EWSR1: variants seen among roughly 807,000 people sequenced by gnomAD.
EWSR1 encodes EWS RNA binding protein 1.
A neutral mutation model predicts 92.1 loss-of-function variants in EWSR1; 14 were observed. The ratio of observed to expected loss-of-function variants is 0.15; its 90% CI spans 0.10 to 0.24. EWSR1 has a LOEUF of 0.24. Among genes scored for constraint, EWSR1 ranks in the 10% least tolerant of loss-of-function variants. EWSR1 has a pLI of 1.00. For missense variants in EWSR1, 637 were observed against 870.9 expected (o/e 0.73, Z 3.38); for synonymous variants, 303 against 292.9 (o/e 1.03, Z -0.35).
rs1165296671 is a variant in EWSR1, at chr22:29,299,864, GA to G, written c.1931+17del. The G allele has an allele frequency of 6.5e-7, 1 of 1,535,674 alleles. No homozygotes were observed. Among genetic ancestry groups the G allele is most frequent in the Non-Finnish European group, 8.8e-7 (1 of 1,139,838 alleles). ...GAAAAATGGATAAGTAAGTGCTGGT[GA>G]AAAGCAGCTGTGGGCCGCCAGGCAC... On this transcript the variant is annotated intron_variant, in intron 16 of 16. Transcript: ENST00000397938.
chr22:29,279,817 C>T (rs1460590125), intron 5 of EWSR1, among the ~76,000 whole-genome samples: 1 of 152,206 alleles, frequency 6.6e-6, no homozygotes, highest in Non-Finnish European at 1.5e-5. Context: ...TGAAAGGCCT[C>T]ATTTCCGAGT....
In EWSR1 at chr22:29,297,943, C is replaced by T. The variant is rs138287627; in HGVS notation, c.1411C>T (p.Arg471Cys). ...GGGCAGAGGCATGCCACCACCACTC[C>T]GTGGAGGTACTTTTTCTGAGCTCCT... is the stretch of plus-strand genomic sequence containing the variant. ...REGRGMPPPL[R>C]GGPGGPGGPG... Residue 471 changes from arginine to cysteine, a missense_variant, in exon 13 of 17, where the codon CGT becomes TGT. Around this residue, in one of 5 missense-constraint regions of EWSR1, gnomAD observed 363 missense variants for 447.8 expected, o/e 0.81. Transcript: ENST00000397938. The T allele has an allele frequency of 1.2e-4, 194 of 1,611,762 alleles. No individual in the cohort carries two copies. The highest frequency in any genetic ancestry group is 1.5e-4 in the Non-Finnish European group (171 of 1,179,176).
intron 8 of EWSR1, chr22:29,291,149 T>C (rs924931971): frequency 1.2e-4 from 30 of 245,310 alleles, no homozygotes; most frequent in Non-Finnish European, 2.1e-4. Context: ...CATTTGGCTC[T>C]CCCTTGGGAG....
Position 29,300,305 on chromosome 22 carries a change from TGTGAAGAAAC to T in EWSR1, c.*145_*154del. ...CTGTACTTTAGTATTTTTCACCATT[TGTGAAGAAAC>T]ATTAAAACAAGTTAAATGGTAGTGT... On this transcript the variant is annotated 3_prime_UTR_variant, in exon 17 of 17. Coordinates refer to ENST00000397938, the MANE Select transcript of EWSR1 (RefSeq NM_005243.4). 1 of 808,418 alleles carries T rather than the reference TGTGAAGAAAC, an allele frequency of 1.2e-6. No homozygotes were observed. The highest frequency in any genetic ancestry group is 1.9e-6 in the Non-Finnish European group (1 of 523,304). The allele number at this position is 808,418 out of a possible 1,614,324, so 50.1% of individuals were successfully genotyped here.
intron 4 of EWSR1, chr22:29,276,872 T>C (rs1364757433): frequency 8.7e-6 from 2 of 230,542 alleles, no homozygotes; most frequent in Admixed American, 1.1e-4. Flanking sequence ...GGGTGGTCTC[T>C]AACTCCTAAA....
intron 1 of EWSR1, among the ~76,000 whole-genome samples, chr22:29,268,559 G>T (rs2058330436): frequency 6.6e-6 from 1 of 152,126 alleles, no homozygotes; most frequent in African/African-American, 2.4e-5. Flanking sequence ...CGCCCGTGGC[G>T]CGCGGGGGGC....
chr22:29,287,652 G>A lies in EWSR1; in HGVS notation c.793+518G>A, dbSNP rs181382268. 1.4e-4 allele frequency among the ~76,000 whole-genome samples: 22 copies of A among 152,228 alleles called. 1 individual carries two copies. Among genetic ancestry groups the A allele is most frequent in the Middle Eastern group, 6.8e-3 (2 of 294 alleles). Reference sequence around the variant, plus strand: ...AGTGCTTTTTTCCAATTTGTTTTTAGTATGCCTTGGCAAAAAAGAAAAGAG... The same window carrying A: ...AGTGCTTTTTTCCAATTTGTTTTTAATATGCCTTGGCAAAAAAGAAAAGAG... On this transcript the variant is annotated intron_variant, in intron 7 of 16. Coordinates refer to ENST00000397938, the MANE Select transcript of EWSR1 (RefSeq NM_005243.4).
intron 5 of EWSR1, among the ~76,000 whole-genome samples, chr22:29,280,901 A>T (rs1489383121): frequency 7.7e-5 from 4 of 51,864 alleles, no homozygotes; most frequent in Non-Finnish European, 1.6e-4. Flanking sequence ...TTTTTTTTTG[A>T]CAGAGTCTTG....
rs779704391 is a variant in EWSR1 at position 29,296,310 on chromosome 22, T to A, written c.1236T>A (p.Asp412Glu). The change falls in exon 12 of 17, where the codon GAT (aspartate) becomes GAA (glutamate). Residue 412 changes from aspartate to glutamate, a missense_variant. Asp to Glu is a conservative substitution (Grantham distance 45). Coordinates refer to ENST00000397938, the MANE Select transcript of EWSR1 (RefSeq NM_005243.4). ...LDKETGKPKG[D>E]ATVSYEDPPT... Reference sequence around the variant, plus strand: ...AGGAAACAGGAAAGCCCAAAGGCGATGCCACAGTGTCCTATGAAGACCCAC... The same window carrying A: ...AGGAAACAGGAAAGCCCAAAGGCGAAGCCACAGTGTCCTATGAAGACCCAC... 6.2e-7 allele frequency: 1 copy of A among 1,614,120 alleles called. No individual in the cohort carries two copies.
chr22:29,286,421 G>A (rs2060038356), intron 6 of EWSR1, among the ~76,000 whole-genome samples: 1 of 151,846 alleles, frequency 6.6e-6, no homozygotes, highest in Admixed American at 6.6e-5. Flanking sequence ...GGGCACCGTG[G>A]CTCATGCCTG....
intron 1 of EWSR1, among the ~76,000 whole-genome samples, chr22:29,271,020 G>T (rs149220998): frequency 6.6e-6 from 1 of 152,188 alleles, no homozygotes; most frequent in Non-Finnish European, 1.5e-5. Flanking sequence ...ATAAGCCAAC[G>T]TGAAGAGATG....
intron 1 of EWSR1, among the ~76,000 whole-genome samples, chr22:29,268,600 T>C (rs1007706725): frequency 1.7e-4 from 26 of 152,074 alleles, no homozygotes; most frequent in Admixed American, 1.6e-3. Flanking sequence ...GGGGCCCGCC[T>C]TGGCCTCCAT....
chr22:29,300,059 G>A, intron 16 of EWSR1, 63 bp from the exon 17 acceptor site: 1 of 1,242,566 alleles, frequency 8.0e-7, no homozygotes, highest in Non-Finnish European at 1.1e-6. Flanking sequence ...GGGCACCTGG[G>A]GGCTCTGGAA....
At chr22:29,268,384 AG>A (rs759275041) in intron 1 of EWSR1, 35 bp downstream of exon 1, 5 of 1,613,858 alleles carry the variant, frequency 3.1e-6, no homozygotes. Context: ...CGCCGGCGGT[AG>A]CCGGAACGCC....
chr22:29,293,592 G>A (rs893077909), intron 11 of EWSR1, among the ~76,000 whole-genome samples: 1 of 152,182 alleles, frequency 6.6e-6, no homozygotes, highest in African/African-American at 2.4e-5. Flanking sequence ...TACTGAGACA[G>A]TCTTGCTGTG....
chr22:29,272,844 C>G (rs946995220), intron 3 of EWSR1, among the ~76,000 whole-genome samples: 5 of 152,156 alleles, frequency 3.3e-5, no homozygotes, highest in African/African-American at 4.8e-5. Flanking sequence ...GGGGTTAGCT[C>G]TAAAAACTGG....
intron 1 of EWSR1, 34 bp downstream of exon 1, chr22:29,268,383 T>C (rs372915198): frequency 2.2e-4 from 349 of 1,613,790 alleles, no homozygotes; most frequent in Admixed American, 1.5e-3. Flanking sequence ...GCGCCGGCGG[T>C]AGCCGGAACG....
At chr22:29,272,095 T>A (rs1168156521) in intron 1 of EWSR1, 121 bp from the exon 2 acceptor site, 2 of 838,974 alleles carry the variant, frequency 2.4e-6, no homozygotes, top group Non-Finnish European at 4.0e-6. Flanking sequence ...TTTGGACCTG[T>A]GTTGGCAGGT....
chr22:29,295,459 C>G (rs2060782319), intron 11 of EWSR1: 1 of 209,010 alleles, frequency 4.8e-6, no homozygotes, highest in Non-Finnish European at 9.7e-6. Flanking sequence ...GAGACTCTGT[C>G]TCACAAAAAA....
Sources: gnomAD v4.1 joint callset for allele counts (sites outside exome capture counted in the v4.1 genomes callset) on GRCh38, gnomAD v4.1.1 for gene constraint, gnomAD v4.1.1 regional missense constraint, MANE v1.5 for transcripts, NCBI Gene and HGNC (gene_info 2026-07-23, HGNC 2026-07-21) for gene names.